ADARB2: variants seen among roughly 807,000 people sequenced by gnomAD.
ADARB2 encodes inactive double-stranded RNA-specific editase B2.
In ADARB2, 25 loss-of-function variants were observed where a neutral mutation model predicts 62.2. That is an observed-to-expected ratio of 0.40 (90% CI 0.29 to 0.56). The LOEUF (loss-of-function observed/expected upper bound fraction) is 0.56. Among genes scored for constraint, ADARB2 ranks in the 20% least tolerant of loss-of-function variants. The pLI is 0.43. For synonymous variants in ADARB2, 572 were observed against 500.8 expected (o/e 1.14, Z -1.90); for missense variants, 1,071 against 1,077.4 (o/e 0.99, Z 0.08).
At chr10:1,717,513 C>T (rs973186643) in intron 1 of ADARB2, among the ~76,000 whole-genome samples, 2 of 149,610 alleles carry the variant, frequency 1.3e-5, no homozygotes, top group Non-Finnish European at 3.0e-5. Flanking sequence ...CTTTCTTTCT[C>T]TCTCTCTTTC....
At chr10:1,725,928 A>G (rs1835158711) in intron 1 of ADARB2, among the ~76,000 whole-genome samples, 1 of 152,274 alleles carries the variant, frequency 6.6e-6, no homozygotes, top group Non-Finnish European at 1.5e-5. Context: ...AGTCAAGAGT[A>G]CAGGGGCTAA....
chr10:1,539,824 C>T (rs1005547056), intron 1 of ADARB2, among the ~76,000 whole-genome samples: 39 of 152,286 alleles, frequency 2.6e-4, no homozygotes, highest in African/African-American at 8.4e-4. Flanking sequence ...AAACAGCCCC[C>T]GTTAAATATG....
rs539695879 is a variant in ADARB2, at chr10:1,653,813, A to AT, written c.100+83237dup. Among the ~76,000 whole-genome samples the AT allele has an allele frequency of 2.5e-3, 387 of 152,176 alleles. 3 individuals are homozygous for AT. The highest frequency in any genetic ancestry group is 3.7e-3 in the Non-Finnish European group (252 of 68,002). On this transcript the variant is annotated intron_variant, in intron 1 of 9. Coordinates refer to ENST00000381312, the MANE Select transcript of ADARB2 (RefSeq NM_018702.4). ...TAATCAAATTGATGGTGAAGAACTG[A>AT]TTTTTTTTCCTGTTAACCCTCCCTA...
chr10:1,433,100 C>T (rs1320648049), intron 1 of ADARB2, among the ~76,000 whole-genome samples: 1 of 152,138 alleles, frequency 6.6e-6, no homozygotes, highest in African/African-American at 2.4e-5. Context: ...CCGATGTAAG[C>T]TTTGGGAATG....
At chr10:1,687,057 C>T (rs1465439756) in intron 1 of ADARB2, among the ~76,000 whole-genome samples, 2 of 137,428 alleles carry the variant, frequency 1.5e-5, no homozygotes, top group African/African-American at 2.8e-5. Context: ...TGACAAGTCT[C>T]GCTCTGTCAC....
chr10:1,408,557 AC>A (rs1435406456), intron 1 of ADARB2, among the ~76,000 whole-genome samples: 6 of 152,120 alleles, frequency 3.9e-5, no homozygotes, highest in African/African-American at 1.4e-4. Context: ...TCCCAGGGCC[AC>A]CCGTCCAGCA....
At chr10:1,346,249 G>T (rs1022865839) in intron 3 of ADARB2, among the ~76,000 whole-genome samples, 1 of 152,182 alleles carries the variant, frequency 6.6e-6, no homozygotes, top group Non-Finnish European at 1.5e-5. Context: ...CACCGACAGG[G>T]TCTCAGATGT....
intron 8 of ADARB2, among the ~76,000 whole-genome samples, chr10:1,194,085 G>A (rs1007191796): frequency 6.6e-6 from 1 of 151,966 alleles, no homozygotes; most frequent in African/African-American, 2.4e-5. Flanking sequence ...ACTCTCTTTT[G>A]TACTTTCTGT....
intron 4 of ADARB2, among the ~76,000 whole-genome samples, chr10:1,246,874 T>G (rs1830990472): frequency 6.6e-6 from 1 of 151,922 alleles, no homozygotes; most frequent in African/African-American, 2.4e-5. Flanking sequence ...GTGAAGAAAG[T>G]CATTGGTAGC....
At chr10:1,208,219 G>A (rs1381499277) in intron 7 of ADARB2, among the ~76,000 whole-genome samples, 1 of 152,240 alleles carries the variant, frequency 6.6e-6, no homozygotes, top group Non-Finnish European at 1.5e-5. Context: ...CCGGATAGGT[G>A]ATTTCTCTCA....
rs1318367485 is a variant in ADARB2 at position 1,217,082 on chromosome 10, C to T, written c.1551G>A (p.Gly517=). ...CGGACTCGATCTTGGTGCGCAGGTG[C>T]CCGCGGAACTTCCTGACGAGGTGTT... is the stretch of plus-strand genomic sequence containing the variant. ...SSKHLVRKFR[G]HLRTKIESGE... is the part of the protein sequence containing the mutation. Residue 517 remains glycine (G), a synonymous_variant, in exon 7 of 10, where the codon GGG becomes GGA. Coordinates refer to ENST00000381312, the MANE Select transcript of ADARB2 (RefSeq NM_018702.4). The T allele has an allele frequency of 5.6e-6, 9 of 1,606,592 alleles. No homozygotes were observed. In the South Asian group the frequency reaches 7.8e-5, roughly 14 times the overall value.
chr10:1,323,830 A>T (rs1438681543), intron 3 of ADARB2, among the ~76,000 whole-genome samples: 2 of 152,244 alleles, frequency 1.3e-5, no homozygotes, highest in African/African-American at 4.8e-5. Context: ...AATCTTTGGG[A>T]TCTAGAGCAA....
chr10:1,518,484 C>T (rs1344598423), intron 1 of ADARB2, among the ~76,000 whole-genome samples: 1 of 152,246 alleles, frequency 6.6e-6, no homozygotes, highest in East Asian at 1.9e-4. Flanking sequence ...TGGACCTCCC[C>T]AAGGGGTGTC....
chr10:1,266,435 TAC>T (rs1831201216), intron 4 of ADARB2, among the ~76,000 whole-genome samples: 1 of 143,164 alleles, frequency 7.0e-6, no homozygotes, highest in African/African-American at 2.7e-5. Context: ...AGTCCCACCC[TAC>T]AGGGAGGAAA....
chr10:1,189,585 C>T (rs971624736), intron 8 of ADARB2, among the ~76,000 whole-genome samples: 3 of 152,060 alleles, frequency 2.0e-5, no homozygotes, highest in Non-Finnish European at 2.9e-5. Flanking sequence ...AAGTGGGCAT[C>T]GGCTGATTGA....
At chr10:1,702,605 T>C (rs887697811) in intron 1 of ADARB2, among the ~76,000 whole-genome samples, 2 of 152,188 alleles carry the variant, frequency 1.3e-5, no homozygotes, top group Non-Finnish European at 2.9e-5. Flanking sequence ...AAGTCACCCC[T>C]CTATTCTCAG....
chr10:1,656,484 CT>C (rs1834173290), intron 1 of ADARB2, among the ~76,000 whole-genome samples: 1 of 151,840 alleles, frequency 6.6e-6, no homozygotes, highest in African/African-American at 2.4e-5. Context: ...CACTTTCATA[CT>C]GGTTGAGAGG....
intron 3 of ADARB2, among the ~76,000 whole-genome samples, chr10:1,351,370 T>C (rs377147467): frequency 1.1e-3 from 172 of 152,072 alleles, no homozygotes; most frequent in African/African-American, 3.8e-3. Context: ...CTGTTTCCCT[T>C]GCCTCCATAA....
At chr10:1,664,081 C>T (rs1361211101) in intron 1 of ADARB2, among the ~76,000 whole-genome samples, 1 of 152,178 alleles carries the variant, frequency 6.6e-6, no homozygotes, top group Non-Finnish European at 1.5e-5. Context: ...CCTGTGTTTT[C>T]ACGCCTGTGG....
Sources: allele counts gnomAD v4.1 joint callset (sites outside exome capture counted in the v4.1 genomes callset), GRCh38; gene constraint gnomAD v4.1.1; transcripts MANE v1.5; gene names NCBI Gene and HGNC (gene_info 2026-07-23, HGNC 2026-07-21).